Variants in PRAG1 observed in about 807,000 individuals in gnomAD.
The protein encoded by PRAG1 is inactive tyrosine-protein kinase PRAG1.
A neutral mutation model predicts 95.6 loss-of-function variants in PRAG1; 110 were observed. The ratio of observed to expected loss-of-function variants is 1.15; its 90% CI spans 0.99 to 1.35. PRAG1 has a LOEUF of 1.35. Among genes scored for constraint, PRAG1 ranks in the 40% most tolerant of loss-of-function variants. The pLI, the probability that PRAG1 is intolerant of heterozygous loss-of-function variation, is 0.00. For synonymous variants in PRAG1, 1,052 were observed against 819.4 expected, an observed-to-expected ratio of 1.28 and a Z score of -4.85; for missense variants, 2,554 against 1,864.7, an observed-to-expected ratio of 1.37 and a Z score of -6.81.
chr8:8,329,636 C>T (rs1188886254), intron 4 of PRAG1, among the ~76,000 whole-genome samples: 1 of 152,174 alleles, frequency 6.6e-6, no homozygotes, highest in Middle Eastern at 3.2e-3. Flanking sequence ...CACTCAGGTG[C>T]ACAGGACATT....
In PRAG1 at chr8:8,319,247, A is replaced by T. The variant is rs1400671474; in HGVS notation, c.3128T>A (p.Val1043Glu). The change falls in exon 6 of 6, where the codon GTG (valine) becomes GAG (glutamate). Residue 1043 changes from valine (V) to glutamate (E), a missense_variant. Physicochemically the swap from Val to Glu is moderately radical, Grantham distance 121. Transcript: ENST00000615670. ...GCAGTCCTGCTGGATGTTAAAGTGC[A>T]CGGGCACGGACGGGCTGCAGTAGGA... Reference protein sequence around the residue: ...TVSYCSPSVPVHFNIQQDCGH... With the variant: ...TVSYCSPSVPEHFNIQQDCGH... 2.6e-6 allele frequency: 4 copies of T among 1,540,590 alleles called. No homozygotes were observed. The highest frequency in any genetic ancestry group is 2.5e-5 in the South Asian group (2 of 80,500).
intron 5 of PRAG1, among the ~76,000 whole-genome samples, chr8:8,323,768 A>G (rs1798543451): frequency 6.6e-6 from 1 of 152,146 alleles, no homozygotes; most frequent in South Asian, 2.1e-4. Context: ...TTTCCCTTGT[A>G]AATTACCCAG....
chr8:8,365,159 A>C (rs1184108069), intron 3 of PRAG1, among the ~76,000 whole-genome samples: 1 of 152,216 alleles, frequency 6.6e-6, no homozygotes, highest in Non-Finnish European at 1.5e-5. Context: ...CCAGTGGAGA[A>C]GATTCAGAAA....
rs561397537 is a variant in PRAG1, at chr8:8,331,418, C to T, written c.2321-2957G>A. 2.3e-4 allele frequency among the ~76,000 whole-genome samples: 35 copies of T among 152,198 alleles called. 1 individual carries two copies. In the Middle Eastern group the frequency reaches 0.024, roughly 104 times the overall value. The stretch of plus-strand genomic sequence containing the variant: ...TGAGTTTCCTCCTTTAGAAAATGAC[C>T]GATGACATCATTGTGAAGGCCCCTT... On this transcript the variant is annotated intron_variant, in intron 4 of 5. Transcript: ENST00000615670.
Position 8,318,233 on chromosome 8 carries a change from T to G in PRAG1, c.4142A>C (p.Asp1381Ala). ...CGCCAGGTACTGGCAGCAAAGCCAG[T>G]CCTCCAGCTCCACGCCCCGCCTGCG... ...VDRRRGVELE[D>A]WLCCQYLASA... Residue 1381 changes from aspartate (D) to alanine (A), a missense_variant, in exon 6 of 6, where the codon GAC becomes GCC. Coordinates refer to ENST00000615670, the MANE Select transcript of PRAG1 (RefSeq NM_001080826.3). This position sits in a 1 kb window ranked among gnomAD's most constrained non-coding sequence, Gnocchi z 4.2. 9.3e-6 allele frequency: 15 copies of G among 1,614,118 alleles called. No individual in the cohort carries two copies. Among genetic ancestry groups the G allele is most frequent in the Non-Finnish European group, 1.1e-5 (13 of 1,180,010 alleles).
At chr8:8,351,464 A>G (rs1280912380) in intron 3 of PRAG1, among the ~76,000 whole-genome samples, 1 of 152,220 alleles carries the variant, frequency 6.6e-6, no homozygotes, top group African/African-American at 2.4e-5. Flanking sequence ...AGAAATCTTC[A>G]GATAGTCTAG....
At chr8:8,321,056 G>C (rs957352377) in intron 5 of PRAG1, among the ~76,000 whole-genome samples, 1 of 152,202 alleles carries the variant, frequency 6.6e-6, no homozygotes, top group Non-Finnish European at 1.5e-5. Flanking sequence ...ATGCCTAAAA[G>C]GCATTGTTCA....
In PRAG1 at chr8:8,378,082, C is replaced by A. The variant is rs56039258; in HGVS notation, c.331-4G>T. 102 of 1,518,996 alleles carry A rather than the reference C, an allele frequency of 6.7e-5. No individual in the cohort carries two copies. Among genetic ancestry groups the A allele is most frequent in the Non-Finnish European group, 8.8e-5 (100 of 1,137,448 alleles). 94.1% of individuals were successfully genotyped at this position (1,518,996 alleles called of 1,614,324 possible). A position where few individuals can be genotyped will look rare whatever the true frequency, so the allele number is the denominator to read the frequency against. ...CAGGGGCTCGTCTCCAGATGACCTA[C>A]ACACAAGCCCAACGCAAAAAGACTT... is the stretch of plus-strand genomic sequence containing the variant. On this transcript the variant is annotated splice_polypyrimidine_tract_variant and splice_region_variant and intron_variant, in intron 2 of 5. Coordinates refer to ENST00000615670, the MANE Select transcript of PRAG1 (RefSeq NM_001080826.3).
chr8:8,346,803 T>G (rs546025641), intron 3 of PRAG1, among the ~76,000 whole-genome samples: 1 of 152,322 alleles, frequency 6.6e-6, no homozygotes, highest in Non-Finnish European at 1.5e-5. Flanking sequence ...ATTTTCATTC[T>G]CACTGCCCCT....
intron 1 of PRAG1, among the ~76,000 whole-genome samples, chr8:8,385,255 G>A (rs947087111): frequency 1.3e-5 from 2 of 152,188 alleles, no homozygotes; most frequent in African/African-American, 4.8e-5. Context: ...TGACCAGGCA[G>A]AAAGGAGAAA....
intron 3 of PRAG1, 83 bp from the exon 4 acceptor site, chr8:8,339,718 T>C (rs1364462356): frequency 9.9e-6 from 14 of 1,411,672 alleles, no homozygotes; most frequent in Non-Finnish European, 1.3e-5. Context: ...GAACTTACCA[T>C]GCTCTTGAAA....
At chr8:8,324,809 T>C (rs1282682387) in intron 5 of PRAG1, among the ~76,000 whole-genome samples, 1 of 152,164 alleles carries the variant, frequency 6.6e-6, no homozygotes, top group Non-Finnish European at 1.5e-5. Flanking sequence ...CAAACTAGAA[T>C]TCTGTCTAGA....
intron 3 of PRAG1, among the ~76,000 whole-genome samples, chr8:8,362,173 C>G (rs1354754723): frequency 6.6e-6 from 1 of 152,212 alleles, no homozygotes; most frequent in Non-Finnish European, 1.5e-5. Flanking sequence ...TTAGGCTCCT[C>G]TTAGCATTGG....
At chr8:8,375,404 G>C (rs990106133) in intron 3 of PRAG1, among the ~76,000 whole-genome samples, 1 of 151,888 alleles carries the variant, frequency 6.6e-6, no homozygotes, top group African/African-American at 2.4e-5. Flanking sequence ...GGGTTTCACT[G>C]TGTTAGCCAG....
chr8:8,344,602 A>C (rs1242358312), intron 3 of PRAG1, among the ~76,000 whole-genome samples: 1 of 152,232 alleles, frequency 6.6e-6, no homozygotes, highest in Non-Finnish European at 1.5e-5. Flanking sequence ...CAAAATGTTA[A>C]TATTTGAAAA....
intron 4 of PRAG1, among the ~76,000 whole-genome samples, chr8:8,339,178 A>G (rs957210812): frequency 6.6e-6 from 1 of 152,208 alleles, no homozygotes; most frequent in Non-Finnish European, 1.5e-5. Flanking sequence ...AGTAAAAAGC[A>G]GGCCTGTACA....
chr8:8,345,232 G>A (rs959786308), intron 3 of PRAG1, among the ~76,000 whole-genome samples: 2 of 151,710 alleles, frequency 1.3e-5, no homozygotes, highest in Non-Finnish European at 2.9e-5. Flanking sequence ...CTGCCAGGTC[G>A]CTAAAACCCA....
Position 8,376,957 on chromosome 8 carries a change from G to A in PRAG1, c.1452C>T (p.Asp484=), listed in dbSNP as rs1219750661. Residue 484 remains aspartate (D), a synonymous_variant, in exon 3 of 6, where the codon GAC becomes GAT. Transcript: ENST00000615670. The part of the protein sequence containing the change: ...ITVMAAHPEE[D]HRTIYLSSPD... ...GGCTGCTCAGGTAGATCGTCCGATG[G>A]TCCTCTTCCGGGTGGGCCGCCATGA... 5.0e-6 allele frequency: 8 copies of A among 1,613,516 alleles called. No individual in the cohort carries two copies. The highest frequency in any genetic ancestry group is 1.3e-5 in the African/African-American group (1 of 75,064).
chr8:8,376,986 T>A lies in PRAG1; in HGVS notation c.1423A>T (p.Thr475Ser). The A allele has an allele frequency of 6.2e-7, 1 of 1,613,686 alleles. No individual in the cohort carries two copies. Among genetic ancestry groups the A allele is most frequent in the Non-Finnish European group, 8.5e-7 (1 of 1,179,938 alleles). ...TCTTCCGGGTGGGCCGCCATGACTG[T>A]GATGGTGGCTGACACCTGGGGAGTT... ...DPTPQVSATI[T>S]VMAAHPEEDH... is the part of the protein sequence containing the mutation. Residue 475 changes from threonine (T) to serine (S), a missense_variant, in exon 3 of 6, where the codon ACA (threonine) becomes TCA (serine). Coordinates refer to ENST00000615670, the MANE Select transcript of PRAG1 (RefSeq NM_001080826.3).
Sources: gnomAD v4.1 joint callset for allele counts (sites outside exome capture counted in the v4.1 genomes callset) on GRCh38, gnomAD v4.1.1 for gene constraint, Gnocchi (gnomAD v3.1) non-coding constraint, MANE v1.5 for transcripts, NCBI Gene and HGNC (gene_info 2026-07-23, HGNC 2026-07-21) for gene names.